TRAF3IP2: variants seen among roughly 807,000 people sequenced by gnomAD.
TRAF3IP2 encodes E3 ubiquitin ligase TRAF3IP2.
A neutral mutation model predicts 57.9 loss-of-function variants in TRAF3IP2; 35 were observed. The ratio of observed to expected loss-of-function variants is 0.60; its 90% CI spans 0.46 to 0.80. The LOEUF (loss-of-function observed/expected upper bound fraction) is 0.80. TRAF3IP2 is among the 30% of genes least tolerant of loss of function. The pLI is 0.00. For missense variants in TRAF3IP2, 556 were observed against 706.4 expected (o/e 0.79, Z 2.41); for synonymous variants, 251 against 268.9 (o/e 0.93, Z 0.65).
chr6:111,591,747 T>C lies in TRAF3IP2; in HGVS notation c.340A>G (p.Ser114Gly), dbSNP rs1796526938. 6.2e-7 allele frequency: 1 copy of C among 1,614,108 alleles called. No individual in the cohort carries two copies. The highest frequency in any genetic ancestry group is 1.7e-5 in the Admixed American group (1 of 60,004). Residue 114 changes from serine (S) to glycine (G), a missense_variant, in exon 2 of 9, where the codon AGC becomes GGC. Around this residue, in one of 2 missense-constraint regions of TRAF3IP2, gnomAD observed 428 missense variants for 498.7 expected, o/e 0.86. Transcript: ENST00000368761. The surrounding 1 kb of genome is among the most constrained non-coding windows in gnomAD (Gnocchi z 4.9). ...KAFPSGCSAV[S>G]EPASESVVGA... Reference sequence around the variant, plus strand: ...ACCACAGACTCAGACGCAGGCTCGCTGACTGCAGAGCACCCAGAAGGGAAA... The same window carrying C: ...ACCACAGACTCAGACGCAGGCTCGCCGACTGCAGAGCACCCAGAAGGGAAA...
chr6:111,585,304 T>A (rs1328547038), intron 2 of TRAF3IP2, among the ~76,000 whole-genome samples: 1 of 149,898 alleles, frequency 6.7e-6, no homozygotes, highest in African/African-American at 2.5e-5. Context: ...CCAAATTTCA[T>A]TGACTCCCTT....
intron 2 of TRAF3IP2, among the ~76,000 whole-genome samples, chr6:111,582,610 G>A (rs975575928): frequency 2.0e-5 from 3 of 152,188 alleles, no homozygotes; most frequent in Non-Finnish European, 4.4e-5. Context: ...CAGGGCAACA[G>A]AGCAAGTCAC....
At position 111,569,174 on chromosome 6, in the gene TRAF3IP2, G is replaced by A. The variant is rs527843288; in HGVS notation, c.1291-1482C>T. 1.9e-4 allele frequency among the ~76,000 whole-genome samples: 29 copies of A among 152,282 alleles called. No individual in the cohort carries two copies. The East Asian group carries it at 4.1e-3, about 21-fold the overall frequency. On this transcript the variant is annotated intron_variant, in intron 5 of 8. Transcript: ENST00000368761. ...ATGGCCAACGACTACTCTTGAGAAC[G>A]CTTTTGTAGCTTTCTGAGACTGTGT...
chr6:111,566,365 T>C, intron 7 of TRAF3IP2, 79 bp downstream of exon 7: 1 of 1,143,648 alleles, frequency 8.7e-7, no homozygotes, highest in Non-Finnish European at 1.3e-6. Context: ...AGCTGGTCTC[T>C]GGGGAAGAAT....
intron 4 of TRAF3IP2, 38 bp from the exon 5 acceptor site, chr6:111,573,021 A>G (rs1236426809): frequency 6.9e-7 from 1 of 1,449,084 alleles, no homozygotes; most frequent in East Asian, 2.3e-5. Context: ...AAACTGATCA[A>G]ATTATTCTAT....
intron 1 of TRAF3IP2, among the ~76,000 whole-genome samples, chr6:111,598,797 A>G (rs941437907): frequency 4.6e-5 from 7 of 152,262 alleles, no homozygotes; most frequent in Non-Finnish European, 8.8e-5. Context: ...TCCACTAGTG[A>G]TTCTGATGCT....
chr6:111,571,242 AT>A (rs1464354345), intron 5 of TRAF3IP2, among the ~76,000 whole-genome samples: 1 of 151,786 alleles, frequency 6.6e-6, no homozygotes, highest in Admixed American at 6.6e-5. Flanking sequence ...CACTCGGCTA[AT>A]TTTTTTGTAT....
At chr6:111,585,611 A>G (rs555210650) in intron 2 of TRAF3IP2, among the ~76,000 whole-genome samples, 1 of 152,296 alleles carries the variant, frequency 6.6e-6, no homozygotes, top group African/African-American at 2.4e-5. Flanking sequence ...GTGTGTGAGA[A>G]GGGGAGACAT....
At chr6:111,562,929 T>C (rs1165290101) in intron 8 of TRAF3IP2, 36 bp downstream of exon 8, 2 of 1,496,274 alleles carry the variant, frequency 1.3e-6, no homozygotes, top group East Asian at 2.3e-5. Flanking sequence ...AAACCAAAGA[T>C]TGAATTATGA....
intron 5 of TRAF3IP2, among the ~76,000 whole-genome samples, chr6:111,570,092 G>T (rs1412972815): frequency 6.6e-6 from 1 of 152,178 alleles, no homozygotes; most frequent in African/African-American, 2.4e-5. Flanking sequence ...CAGAACTGGT[G>T]TCCATAGAAG....
intron 1 of TRAF3IP2, among the ~76,000 whole-genome samples, chr6:111,599,690 C>T (rs1796807380): frequency 6.6e-6 from 1 of 152,222 alleles, no homozygotes; most frequent in Non-Finnish European, 1.5e-5. Flanking sequence ...CTTCACAGCG[C>T]TACCTTTCTG....
chr6:111,574,667 C>G (rs2128375172), intron 4 of TRAF3IP2: 1 of 152,308 alleles, frequency 6.6e-6, no homozygotes. Flanking sequence ...TGGTGAGATG[C>G]TGGGTCCCTG....
intron 1 of TRAF3IP2, among the ~76,000 whole-genome samples, chr6:111,595,787 C>T (rs1334795847): frequency 6.6e-6 from 1 of 150,580 alleles, no homozygotes; most frequent in Non-Finnish European, 1.5e-5. Flanking sequence ...GAGATCGTGC[C>T]ACTGCACTCC....
At chr6:111,586,561 G>C (rs576806691) in intron 2 of TRAF3IP2, among the ~76,000 whole-genome samples, 1 of 151,802 alleles carries the variant, frequency 6.6e-6, no homozygotes, top group Non-Finnish European at 1.5e-5. Flanking sequence ...TGAAAGGGGC[G>C]ACCAATAACC....
chr6:111,594,279 C>T (rs1265733670), intron 1 of TRAF3IP2, among the ~76,000 whole-genome samples: 2 of 151,926 alleles, frequency 1.3e-5, no homozygotes, highest in South Asian at 4.1e-4. Flanking sequence ...GTTGTGTCAT[C>T]GTCTACATGC....
chr6:111,600,563 G>A (rs954869453), intron 1 of TRAF3IP2: 1 of 152,144 alleles, frequency 6.6e-6, no homozygotes, highest in South Asian at 2.1e-4. Flanking sequence ...TTCTGCAAAG[G>A]GGACAGATAG....
In TRAF3IP2 at chr6:111,569,528, G is replaced by A. The variant is rs1348456270; in HGVS notation, c.1291-1836C>T. Among the ~76,000 whole-genome samples the A allele has an allele frequency of 2.6e-5, 4 of 152,114 alleles. No individual in the cohort carries two copies. The East Asian group carries it at 5.8e-4, about 22-fold the overall frequency. On this transcript the variant is annotated intron_variant, in intron 5 of 8. Coordinates refer to ENST00000368761, the MANE Select transcript of TRAF3IP2 (RefSeq NM_147686.4). The stretch of plus-strand genomic sequence containing the variant: ...GCACTTTGGGAGGCTGAGGGGGGCA[G>A]ATCACTTGAGGTTAGGAGTGTGAGA...
intron 2 of TRAF3IP2, among the ~76,000 whole-genome samples, chr6:111,590,616 G>C (rs1796480032): frequency 6.6e-6 from 1 of 152,168 alleles, no homozygotes; most frequent in Non-Finnish European, 1.5e-5. Flanking sequence ...CCCCAAGAGA[G>C]AGAAGAGCCT....
At chr6:111,580,116 G>T in intron 3 of TRAF3IP2, 81 bp downstream of exon 3, 5 of 1,513,012 alleles carry the variant, frequency 3.3e-6, no homozygotes, top group South Asian at 1.2e-5. Flanking sequence ...AACCTATAGA[G>T]AATTCTGTTA....
Sources: gnomAD v4.1 joint callset for allele counts (sites outside exome capture counted in the v4.1 genomes callset) on GRCh38, gnomAD v4.1.1 for gene constraint, gnomAD v4.1.1 regional missense constraint, Gnocchi (gnomAD v3.1) non-coding constraint, MANE v1.5 for transcripts, NCBI Gene and HGNC (gene_info 2026-07-23, HGNC 2026-07-21) for gene names.